Variants in TM9SF4 observed in about 807,000 individuals in gnomAD.
TM9SF4 encodes dinucleotide oxidase disulfide thiol exchanger 3 superfamily member 4.
In TM9SF4, 26 loss-of-function variants were observed where a neutral mutation model predicts 90.4. The observed-to-expected ratio is 0.29, with a 90% CI of 0.21 to 0.40. The LOEUF is 0.40. Among genes scored for constraint, TM9SF4 ranks in the 10% least tolerant of loss-of-function variants. The pLI, the probability that TM9SF4 is intolerant of heterozygous loss-of-function variation, is 1.00. For synonymous variants in TM9SF4, 293 were observed against 315.4 expected (o/e 0.93, Z 0.75); for missense variants, 549 against 834.8 (o/e 0.66, Z 4.22).
chr20:32,150,612 C>G lies in TM9SF4; in HGVS notation c.1088-10C>G. The G allele has an allele frequency of 6.2e-7, 1 of 1,614,168 alleles. No homozygotes were observed. Among genetic ancestry groups the G allele is most frequent in the Non-Finnish European group, 8.5e-7 (1 of 1,180,012 alleles). On this transcript the variant is annotated splice_polypyrimidine_tract_variant and intron_variant, in intron 10 of 17. Transcript: ENST00000398022. Reference sequence around the variant, plus strand: ...CTTTCTCTGCCCTTCCTCCCTCCCTCCCTCCACAGTTGTAGCCATGCTTGG... The same window carrying G: ...CTTTCTCTGCCCTTCCTCCCTCCCTGCCTCCACAGTTGTAGCCATGCTTGG...
chr20:32,125,111 G>C lies in TM9SF4; in HGVS notation c.16-7902G>C, dbSNP rs564477462. On this transcript the variant is annotated intron_variant, in intron 1 of 17. Coordinates refer to ENST00000398022, the MANE Select transcript of TM9SF4 (RefSeq NM_014742.4). ...CTCCTCCCATGGTCACTCAGCTCAC[G>C]GTGACGGTTGCATAGCTTTCCTGTT... Among the ~76,000 whole-genome samples, 6 of 152,206 alleles carry C rather than the reference G, an allele frequency of 3.9e-5. No individual in the cohort carries two copies. In the South Asian group the frequency reaches 1.2e-3, roughly 32 times the overall value.
At chr20:32,130,135 G>A (rs1408387523) in intron 1 of TM9SF4, among the ~76,000 whole-genome samples, 2 of 152,226 alleles carry the variant, frequency 1.3e-5, no homozygotes, top group African/African-American at 4.8e-5. Context: ...CAGTGCCATC[G>A]GATACAGCCA....
chr20:32,136,902 T>C (rs1208755193), intron 3 of TM9SF4: 1 of 471,240 alleles, frequency 2.1e-6, no homozygotes, highest in Admixed American at 2.3e-5. Flanking sequence ...GAACTGGTTC[T>C]TGAGCAAGCC....
chr20:32,150,940 G>GA, intron 12 of TM9SF4, 65 bp downstream of exon 12: 1 of 1,582,750 alleles, frequency 6.3e-7, no homozygotes, highest in Non-Finnish European at 8.6e-7. Context: ...GGCTCCTCAG[G>GA]AGAAGGTAGG....
At chr20:32,158,982 A>T (rs1379066479) in intron 15 of TM9SF4, among the ~76,000 whole-genome samples, 1 of 36,766 alleles carries the variant, frequency 2.7e-5, no homozygotes, top group Non-Finnish European at 4.5e-5. Context: ...ACTCCATCTA[A>T]AAAAAAAAAA....
At chr20:32,117,642 C>G (rs1397955666) in intron 1 of TM9SF4, among the ~76,000 whole-genome samples, 2 of 151,724 alleles carry the variant, frequency 1.3e-5, no homozygotes, top group South Asian at 2.1e-4. Context: ...CCCCCGCCCC[C>G]CCAAGAATAA....
intron 3 of TM9SF4, among the ~76,000 whole-genome samples, chr20:32,138,316 CT>C (rs1327325807): frequency 1.3e-5 from 2 of 152,166 alleles, no homozygotes; most frequent in African/African-American, 4.8e-5. Context: ...TGGCTTACTG[CT>C]CATTGTTAAA....
chr20:32,110,001 C>T (rs1430507206), intron 1 of TM9SF4: 3 of 1,409,120 alleles, frequency 2.1e-6, no homozygotes, highest in African/African-American at 2.9e-5. Flanking sequence ...CGGCTGCTGC[C>T]TTCGCCGGTT....
intron 3 of TM9SF4, 68 bp downstream of exon 3, chr20:32,136,241 TAAC>T (rs2046592913): frequency 1.1e-5 from 16 of 1,414,940 alleles, no homozygotes; most frequent in Middle Eastern, 3.5e-4. Context: ...TTTATAATGA[TAAC>T]AACAGTTAAC....
intron 1 of TM9SF4, chr20:32,116,648 T>TTTTG (rs143598022): frequency 0.034 from 5,202 of 152,234 alleles, 344 homozygotes; most frequent in African/African-American, 0.12. Flanking sequence ...CTAATTTGTT[T>TTTTG]TTTGTTTGTT....
At chr20:32,126,065 G>A (rs6061169) in intron 1 of TM9SF4, among the ~76,000 whole-genome samples, 17,742 of 148,686 alleles carry the variant, frequency 0.12, 2,234 homozygotes, top group African/African-American at 0.31. Flanking sequence ...CCTCTTTCCC[G>A]TAAACACACA....
At position 32,166,848 on chromosome 20, in the gene TM9SF4, C is replaced by T. The variant is rs2047105530; in HGVS notation, c.*1404C>T. ...ACCAGCCCTTGTGGGACTCCCAACA[C>T]AAGACAAAGCTCAGGATGCTGGTGA... On this transcript the variant is annotated 3_prime_UTR_variant, in exon 18 of 18. Transcript: ENST00000398022. 6.6e-6 allele frequency: 1 copy of T among 152,154 alleles called. No individual in the cohort carries two copies. The highest frequency in any genetic ancestry group is 6.6e-5 in the Admixed American group (1 of 15,266). 9.4% of individuals were successfully genotyped at this position (152,154 alleles called of 1,614,324 possible). A position where few individuals can be genotyped will look rare whatever the true frequency, so the allele number is the denominator to read the frequency against.
Position 32,165,619 on chromosome 20 carries a change from C to A in TM9SF4, c.*175C>A, listed in dbSNP as rs532779016. On this transcript the variant is annotated 3_prime_UTR_variant, in exon 18 of 18. Coordinates refer to ENST00000398022, the MANE Select transcript of TM9SF4 (RefSeq NM_014742.4). The stretch of plus-strand genomic sequence containing the variant: ...GCGGGAGGGCCTGTAGATAATCTTG[C>A]GTTTTTCGTCATCTTATTCCAGTTC... The A allele has an allele frequency of 5.7e-6, 4 of 703,266 alleles. No individual in the cohort carries two copies. Among genetic ancestry groups the A allele is most frequent in the Non-Finnish European group, 9.2e-6 (4 of 435,342 alleles). 43.6% of individuals were successfully genotyped at this position (703,266 alleles called of 1,614,324 possible).
chr20:32,118,185 G>T (rs1273090009), intron 1 of TM9SF4, among the ~76,000 whole-genome samples: 1 of 151,958 alleles, frequency 6.6e-6, no homozygotes, highest in Non-Finnish European at 1.5e-5. Flanking sequence ...TCTGTGTATT[G>T]GAATATTTTT....
At chr20:32,140,023 A>G (rs990285925) in intron 3 of TM9SF4, among the ~76,000 whole-genome samples, 1 of 152,198 alleles carries the variant, frequency 6.6e-6, no homozygotes, top group Non-Finnish European at 1.5e-5. Context: ...CATGCACTCT[A>G]TGAGTACATC....
intron 2 of TM9SF4, among the ~76,000 whole-genome samples, chr20:32,135,061 C>A (rs1050949087): frequency 1.3e-5 from 2 of 152,144 alleles, no homozygotes; most frequent in African/African-American, 4.8e-5. Flanking sequence ...TCAATAGTTC[C>A]TAAATAGTAA....
At chr20:32,134,438 C>A (rs2046566221) in intron 2 of TM9SF4, among the ~76,000 whole-genome samples, 1 of 152,132 alleles carries the variant, frequency 6.6e-6, no homozygotes, top group Admixed American at 6.5e-5. Context: ...TCCTTAATCC[C>A]TGCAGTTTCA....
chr20:32,147,553 T>TA (rs1017548242), intron 9 of TM9SF4, among the ~76,000 whole-genome samples: 152 of 152,088 alleles, frequency 1.0e-3, no homozygotes, highest in South Asian at 3.1e-3. Context: ...CTCTTTGTTT[T>TA]AAAAAAAACT....
At chr20:32,149,536 G>C in intron 9 of TM9SF4, 98 bp from the exon 10 acceptor site, 3 of 1,529,396 alleles carry the variant, frequency 2.0e-6, no homozygotes, top group Non-Finnish European at 2.7e-6. Flanking sequence ...AGCAGCGCTG[G>C]TTGGCACCTG....
Sources: allele counts gnomAD v4.1 joint callset (sites outside exome capture counted in the v4.1 genomes callset), GRCh38; gene constraint gnomAD v4.1.1; transcripts MANE v1.5; gene names NCBI Gene and HGNC (gene_info 2026-07-23, HGNC 2026-07-21).